NT5E: variants seen among roughly 807,000 people sequenced by gnomAD.
NT5E encodes 5'-nucleotidase ecto, also known as 5'-nucleotidase.
NT5E carries 53 observed loss-of-function variants against 55.1 expected under a neutral mutation model. That is an observed-to-expected ratio of 0.96 (90% CI 0.77 to 1.21). NT5E has a LOEUF of 1.21. Ranked by LOEUF, NT5E falls within the 50% of genes most tolerant of loss-of-function variation. The probability of loss-of-function intolerance (pLI) is 0.00; values close to 1 mark genes in which losing one functional copy is unlikely to be tolerated. For missense variants in NT5E, 683 were observed against 724.3 expected (o/e 0.94, Z 0.65); for synonymous variants, 270 against 278.4 (o/e 0.97, Z 0.30).
At chr6:85,466,186 C>T (rs1769189108) in intron 1 of NT5E, among the ~76,000 whole-genome samples, 1 of 152,160 alleles carries the variant, frequency 6.6e-6, no homozygotes, top group Non-Finnish European at 1.5e-5. Context: ...CAGCCCCCAA[C>T]TCACTACGGG....
chr6:85,451,275 G>T (rs535578743), intron 1 of NT5E, among the ~76,000 whole-genome samples: 2 of 152,212 alleles, frequency 1.3e-5, no homozygotes, highest in Admixed American at 6.5e-5. Flanking sequence ...GAGCCAAAAT[G>T]TGGAAAGACT....
At chr6:85,486,243 T>C (rs889655833) in intron 4 of NT5E, among the ~76,000 whole-genome samples, 1 of 152,222 alleles carries the variant, frequency 6.6e-6, no homozygotes, top group African/African-American at 2.4e-5. Context: ...TGTGCGTCAG[T>C]AATTTCTAAC....
At chr6:85,454,238 G>A (rs1768946320) in intron 1 of NT5E, among the ~76,000 whole-genome samples, 1 of 152,208 alleles carries the variant, frequency 6.6e-6, no homozygotes, top group African/African-American at 2.4e-5. Flanking sequence ...TGGCCACAGG[G>A]CATACTTTGA....
At chr6:85,493,476 G>C (rs1040127082) in intron 8 of NT5E, among the ~76,000 whole-genome samples, 1 of 151,994 alleles carries the variant, frequency 6.6e-6, no homozygotes, top group African/African-American at 2.4e-5. Context: ...ATAATTATTG[G>C]GCAGGCAAAC....
chr6:85,456,616 G>A (rs943078431), intron 1 of NT5E, among the ~76,000 whole-genome samples: 5 of 152,148 alleles, frequency 3.3e-5, no homozygotes, highest in Admixed American at 1.3e-4. Context: ...GGGAAATCAC[G>A]GTTTTGGAAG....
intron 5 of NT5E, among the ~76,000 whole-genome samples, chr6:85,488,575 A>ATTT (rs1319390726): frequency 8.8e-4 from 134 of 151,956 alleles, no homozygotes; most frequent in African/African-American, 1.8e-3. Flanking sequence ...TTATTTATTT[A>ATTT]ATTAATTAAT....
chr6:85,484,577 T>G (rs1162919499), intron 3 of NT5E, among the ~76,000 whole-genome samples: 7 of 152,128 alleles, frequency 4.6e-5, no homozygotes, highest in South Asian at 2.1e-4. Context: ...AATGTGGCTC[T>G]TCTAAAAGAC....
At chr6:85,462,708 G>T (rs960396878) in intron 1 of NT5E, among the ~76,000 whole-genome samples, 1 of 152,192 alleles carries the variant, frequency 6.6e-6, no homozygotes, top group East Asian at 1.9e-4. Flanking sequence ...GCTTTTAAAT[G>T]GGCTCCATTT....
At chr6:85,482,715 A>G (rs1769573544) in intron 3 of NT5E, among the ~76,000 whole-genome samples, 1 of 152,222 alleles carries the variant, frequency 6.6e-6, no homozygotes, top group African/African-American at 2.4e-5. Context: ...TGCCAAGATG[A>G]CAAGTCAGGT....
chr6:85,468,949 GA>G (rs1562139275), intron 2 of NT5E, among the ~76,000 whole-genome samples: 1 of 152,138 alleles, frequency 6.6e-6, no homozygotes, highest in African/African-American at 2.4e-5. Flanking sequence ...AGTGTGGGGG[GA>G]AAGGGATGGG....
intron 8 of NT5E, among the ~76,000 whole-genome samples, chr6:85,493,364 C>T (rs1243622770): frequency 1.3e-5 from 2 of 152,022 alleles, no homozygotes; most frequent in African/African-American, 4.8e-5. Flanking sequence ...AACATGGGTT[C>T]CCAACAAACA....
Position 85,494,082 on chromosome 6 carries a change from C to T in NT5E, c.*78C>T. On this transcript the variant is annotated 3_prime_UTR_variant, in exon 9 of 9. Transcript: ENST00000257770. ...TTCAAATCTGCCTTTTAGGACCTGG[C>T]TTTGTGACAGCAAAAACCATCTTTA... 1.4e-6 allele frequency: 2 copies of T among 1,411,586 alleles called. No homozygotes were observed. Among genetic ancestry groups the T allele is most frequent in the Admixed American group, 1.8e-5 (1 of 56,380 alleles). 87.4% of individuals were successfully genotyped at this position (1,411,586 alleles called of 1,614,324 possible).
Position 85,450,248 on chromosome 6 carries a change from G to C in NT5E, c.109G>C (p.Val37Leu). The C allele has an allele frequency of 1.2e-6, 2 of 1,609,692 alleles. No homozygotes were observed. Among genetic ancestry groups the C allele is most frequent in the Non-Finnish European group, 1.7e-6 (2 of 1,178,976 alleles). The change falls in exon 1 of 9, where the codon GTG (valine) becomes CTG (leucine). Residue 37 changes from valine to leucine, a missense_variant. Coordinates refer to ENST00000257770, the MANE Select transcript of NT5E (RefSeq NM_002526.4). The surrounding 1 kb of genome is among the most constrained non-coding windows in gnomAD (Gnocchi z 4.0). ...GCTTACGATTTTGCACACCAACGAC[G>C]TGCACAGCCGGCTGGAGCAGACCAG... is the stretch of plus-strand genomic sequence containing the variant. ...WELTILHTNDVHSRLEQTSED... is the reference protein window; with the variant it reads ...WELTILHTNDLHSRLEQTSED...
At chr6:85,466,887 G>A (rs1769205857) in intron 1 of NT5E, among the ~76,000 whole-genome samples, 173 bp from the exon 2 acceptor site, 1 of 152,130 alleles carries the variant, frequency 6.6e-6, no homozygotes, top group Non-Finnish European at 1.5e-5. Context: ...GTGACACCTG[G>A]GTAGCAATTC....
At position 85,493,274 on chromosome 6, in the gene NT5E, GTGAAAACCACTGAAGAGAGAAGGGTTCT is replaced by G. The variant is rs1161618132; in HGVS notation, c.1562-565_1562-538del. Among the ~76,000 whole-genome samples the G allele has an allele frequency of 3.3e-5, 5 of 152,292 alleles. No individual in the cohort carries two copies. In the East Asian group the frequency reaches 9.7e-4, roughly 29 times the overall value. ...CAGTGATTCTAGTGTACACCCAGAG[GTGAAAACCACTGAAGAGAGAAGGGTTCT>G]TAAGTACTGGAGTGATATTTTTAAA... On this transcript the variant is annotated intron_variant, in intron 8 of 8. Coordinates refer to ENST00000257770, the MANE Select transcript of NT5E (RefSeq NM_002526.4).
In NT5E at chr6:85,459,300, T is replaced by G. The variant is rs372875868; in HGVS notation, c.340-7760T>G. On this transcript the variant is annotated intron_variant, in intron 1 of 8. Coordinates refer to ENST00000257770, the MANE Select transcript of NT5E (RefSeq NM_002526.4). ...TTAGCTCTTCAATTATAGGGCTTCC[T>G]GCAACCTCAGCCCTTAACGAATGAG... is the stretch of plus-strand genomic sequence containing the variant. Among the ~76,000 whole-genome samples, 196 of 152,334 alleles carry G rather than the reference T, an allele frequency of 1.3e-3. 1 individual carries two copies. The highest frequency in any genetic ancestry group is 4.3e-3 in the African/African-American group (180 of 41,590).
chr6:85,479,796 C>T (rs1488792207), intron 3 of NT5E, among the ~76,000 whole-genome samples: 2 of 152,206 alleles, frequency 1.3e-5, no homozygotes, highest in Admixed American at 6.5e-5. Context: ...TTTAAACAGG[C>T]CATAGTGATA....
At chr6:85,451,249 A>C (rs1174282157) in intron 1 of NT5E, among the ~76,000 whole-genome samples, 1 of 152,210 alleles carries the variant, frequency 6.6e-6, no homozygotes, top group Non-Finnish European at 1.5e-5. Flanking sequence ...AGAAAGAAAG[A>C]AAGAAACTTC....
rs1031906276 is a variant in NT5E at position 85,494,154 on chromosome 6, A to G, written c.*150A>G. On this transcript the variant is annotated 3_prime_UTR_variant, in exon 9 of 9. Coordinates refer to ENST00000257770, the MANE Select transcript of NT5E (RefSeq NM_002526.4). ...TTAGAGCATTATAAAATGAAGAGAC[A>G]GACATGATTACTCAGGGTCAGCAAC... 1.0e-5 allele frequency: 8 copies of G among 774,502 alleles called. No individual in the cohort carries two copies. Among genetic ancestry groups the G allele is most frequent in the Non-Finnish European group, 1.7e-5 (8 of 474,796 alleles). 48.0% of individuals were successfully genotyped at this position (774,502 alleles called of 1,614,324 possible).
Sources: gnomAD v4.1 joint callset for allele counts (sites outside exome capture counted in the v4.1 genomes callset) on GRCh38, gnomAD v4.1.1 for gene constraint, Gnocchi (gnomAD v3.1) non-coding constraint, MANE v1.5 for transcripts, NCBI Gene and HGNC (gene_info 2026-07-23, HGNC 2026-07-21) for gene names.